MTOR: variants seen among roughly 807,000 people sequenced by gnomAD.
MTOR encodes the protein serine/threonine-protein kinase mTOR.
A neutral mutation model predicts 319.8 loss-of-function variants in MTOR; 70 were observed. The observed-to-expected ratio is 0.22, with a 90% CI of 0.18 to 0.27. The LOEUF (loss-of-function observed/expected upper bound fraction) is 0.27. Ranked by LOEUF, MTOR falls within the 10% of genes least tolerant of loss-of-function variation. The pLI, the probability that MTOR is intolerant of heterozygous loss-of-function variation, is 1.00. For synonymous variants in MTOR, 1,183 were observed against 1,211.4 expected (o/e 0.98, Z 0.49); for missense variants, 1,890 against 3,274.4 (o/e 0.58, Z 10.32).
At position 11,115,721 on chromosome 1, in the gene MTOR, C is replaced by T; in HGVS notation, c.7017-253G>A. The T allele has an allele frequency of 2.2e-6, 1 of 458,754 alleles. No homozygotes were observed. Among genetic ancestry groups the T allele is most frequent in the Non-Finnish European group, 4.0e-6 (1 of 250,436 alleles). The allele number at this position is 458,754 out of a possible 1,614,324, so 28.4% of individuals were successfully genotyped here. ...GTTGTGACAGAGACCAAAGGGCCCA[C>T]AAAGCCTAAAACGACCTATTAACTG... is the stretch of plus-strand genomic sequence containing the variant. On this transcript the variant is annotated intron_variant, in intron 50 of 57. Transcript: ENST00000361445. The surrounding 1 kb of genome is among the most constrained non-coding windows in gnomAD (Gnocchi z 4.5).
At chr1:11,261,786 T>G (rs1358086804) in intron 1 of MTOR, among the ~76,000 whole-genome samples, 1 of 152,126 alleles carries the variant, frequency 6.6e-6, no homozygotes, top group Non-Finnish European at 1.5e-5. Flanking sequence ...TGTATGTGTG[T>G]GCGTCCGAAA....
At chr1:11,186,755 T>G (rs958542254) in intron 28 of MTOR, among the ~76,000 whole-genome samples, 10 of 152,196 alleles carry the variant, frequency 6.6e-5, no homozygotes, top group Admixed American at 2.6e-4. Context: ...ATTTAGATAT[T>G]CAGAATCTAG....
At chr1:11,132,977 G>T in intron 38 of MTOR, 103 bp downstream of exon 38, 2 of 964,464 alleles carry the variant, frequency 2.1e-6, no homozygotes, top group Non-Finnish European at 3.3e-6. Context: ...TAAGTTCACA[G>T]CATCAGCCTA....
Position 11,212,937 on chromosome 1 carries a change from G to T in MTOR, c.3286-29C>A. The T allele has an allele frequency of 6.4e-7, 1 of 1,557,574 alleles. No homozygotes were observed. The highest frequency in any genetic ancestry group is 1.1e-5 in the South Asian group (1 of 89,770). ...CAAAAGGGAGCAAAAGCATGGTGATGAATAGTCAGGTCCCAAGTATCTAAG... is the reference window on the plus strand; with the variant it reads ...CAAAAGGGAGCAAAAGCATGGTGATTAATAGTCAGGTCCCAAGTATCTAAG... On this transcript the variant is annotated intron_variant, in intron 21 of 57. Coordinates refer to ENST00000361445, the MANE Select transcript of MTOR (RefSeq NM_004958.4). This position sits in a 1 kb window ranked among gnomAD's most constrained non-coding sequence, Gnocchi z 4.1.
chr1:11,107,568 TTGAAAA>T (rs1641638345), intron 57 of MTOR, 68 bp from the exon 58 acceptor site: 1 of 1,569,514 alleles, frequency 6.4e-7, no homozygotes, highest in Non-Finnish European at 8.7e-7. Context: ...CACAGATAAC[TTGAAAA>T]TGAAAAGGCC....
At chr1:11,226,353 G>C (rs1041216611) in intron 19 of MTOR, 1 of 151,840 alleles carries the variant, frequency 6.6e-6, no homozygotes, top group Admixed American at 6.6e-5. Context: ...GAAGCATTCC[G>C]TATTTTTTTA....
intron 25 of MTOR, among the ~76,000 whole-genome samples, chr1:11,205,710 T>G (rs1646116580): frequency 6.6e-6 from 1 of 152,222 alleles, no homozygotes; most frequent in Admixed American, 6.5e-5. Context: ...AAAAAATGAT[T>G]GTTATTATTG....
At chr1:11,243,387 G>A (rs1282932513) in intron 8 of MTOR, 87 bp from the exon 9 acceptor site, 1 of 1,287,532 alleles carries the variant, frequency 7.8e-7, no homozygotes. Flanking sequence ...AAGCAATTCA[G>A]TTTAAGAATA....
At chr1:11,189,277 T>C in intron 28 of MTOR, 1 of 280,040 alleles carries the variant, frequency 3.6e-6, no homozygotes, top group Non-Finnish European at 6.8e-6. Context: ...TGGGAGGGGC[T>C]AAAGCCTGGT....
At position 11,240,315 on chromosome 1, in the gene MTOR, A is replaced by G. The variant is rs773960048; in HGVS notation, c.1774T>C (p.Phe592Leu). The stretch of plus-strand genomic sequence containing the variant: ...TGTAATTTCTTACCTTCAAATTCAA[A>G]GCTGCCAAGCGTTCGGAGGGCAAGA... ...ITLALRTLGSFEFEGHSLTQF... is the reference protein window; with the variant it reads ...ITLALRTLGSLEFEGHSLTQF... Residue 592 changes from phenylalanine to leucine, a missense_variant, in exon 11 of 58, where the codon TTT becomes CTT. Coordinates refer to ENST00000361445, the MANE Select transcript of MTOR (RefSeq NM_004958.4). 1 of 1,559,912 alleles carries G rather than the reference A, an allele frequency of 6.4e-7. No homozygotes were observed. The highest frequency in any genetic ancestry group is 8.7e-7 in the Non-Finnish European group (1 of 1,153,556).
At chr1:11,148,626 G>A (rs1644024672) in intron 31 of MTOR, among the ~76,000 whole-genome samples, 2 of 152,250 alleles carry the variant, frequency 1.3e-5, no homozygotes, top group South Asian at 4.1e-4. Context: ...TTAGGGCCAG[G>A]CGCTGTGGCT....
chr1:11,212,957 T>C lies in MTOR; in HGVS notation c.3286-49A>G, dbSNP rs761745852. The C allele has an allele frequency of 7.0e-6, 10 of 1,436,848 alleles. No homozygotes were observed. The African/African-American group carries it at 1.4e-4, about 20-fold the overall frequency. 89.0% of individuals were successfully genotyped at this position (1,436,848 alleles called of 1,614,324 possible). On this transcript the variant is annotated intron_variant, in intron 21 of 57. Coordinates refer to ENST00000361445, the MANE Select transcript of MTOR (RefSeq NM_004958.4). This position sits in a 1 kb window ranked among gnomAD's most constrained non-coding sequence, Gnocchi z 4.1. ...GTGATGAATAGTCAGGTCCCAAGTA[T>C]CTAAGGACACGCAGCGGGTGGTGGT... is the stretch of plus-strand genomic sequence containing the variant.
intron 34 of MTOR, among the ~76,000 whole-genome samples, chr1:11,142,709 A>C (rs547255197): frequency 1.2e-4 from 19 of 152,246 alleles, no homozygotes; most frequent in African/African-American, 4.3e-4. Context: ...TCCTCCATGG[A>C]GATAAACTTA....
intron 50 of MTOR, among the ~76,000 whole-genome samples, chr1:11,116,167 A>G (rs1642155952): frequency 6.6e-6 from 1 of 152,240 alleles, no homozygotes; most frequent in Non-Finnish European, 1.5e-5. Flanking sequence ...TTACATGTTC[A>G]GTCAGTACAC....
At chr1:11,192,310 C>T (rs1436065899) in intron 28 of MTOR, 11 of 1,614,088 alleles carry the variant, frequency 6.8e-6, no homozygotes, top group Non-Finnish European at 8.5e-6. Flanking sequence ...AGAAGAACTA[C>T]CGCATCTCTG....
At chr1:11,131,951 G>A (rs575330448) in intron 38 of MTOR, 1 of 152,294 alleles carries the variant, frequency 6.6e-6, no homozygotes, top group East Asian at 1.9e-4. Context: ...CCAGGTTTCA[G>A]TTTTCCCATA....
intron 25 of MTOR, among the ~76,000 whole-genome samples, chr1:11,206,497 CTCAT>C (rs1646143108): frequency 6.6e-6 from 1 of 152,220 alleles, no homozygotes; most frequent in South Asian, 2.1e-4. Context: ...CAGCACCTAA[CTCAT>C]GGGGTTATCA....
chr1:11,130,268 C>T (rs964389669), intron 39 of MTOR, among the ~76,000 whole-genome samples: 7 of 152,178 alleles, frequency 4.6e-5, no homozygotes, highest in Admixed American at 6.5e-5. Context: ...AGGTGCAGCA[C>T]GTAGAGAATG....
intron 54 of MTOR, among the ~76,000 whole-genome samples, chr1:11,112,463 C>G (rs1256768990): frequency 1.3e-5 from 2 of 152,128 alleles, no homozygotes; most frequent in East Asian, 3.8e-4. Flanking sequence ...ATTTCTAGAC[C>G]AAGTATTTGA....
Sources: allele counts gnomAD v4.1 joint callset (sites outside exome capture counted in the v4.1 genomes callset), GRCh38; gene constraint gnomAD v4.1.1; non-coding constraint Gnocchi (gnomAD v3.1); transcripts MANE v1.5; gene names NCBI Gene and HGNC (gene_info 2026-07-23, HGNC 2026-07-21).